Variants in KCTD3 observed in about 807,000 individuals in gnomAD.
The protein encoded by KCTD3 is BTB/POZ domain-containing protein KCTD3.
Under a neutral mutation model 85.8 loss-of-function variants are expected in KCTD3, and 41 were observed. That is an observed-to-expected ratio of 0.48 (90% confidence interval 0.37 to 0.62). The LOEUF (loss-of-function observed/expected upper bound fraction) is 0.62. Ranked by LOEUF, KCTD3 falls within the 20% of genes least tolerant of loss-of-function variation. KCTD3 has a pLI of 0.00. For synonymous variants in KCTD3, 338 were observed against 345.4 expected, an observed-to-expected ratio of 0.98 and a Z score of 0.24; for missense variants, 724 against 989.9, an observed-to-expected ratio of 0.73 and a Z score of 3.60.
intron 9 of KCTD3, among the ~76,000 whole-genome samples, chr1:215,594,183 G>C (rs927590421): frequency 1.3e-4 from 20 of 152,064 alleles, no homozygotes; most frequent in African/African-American, 4.1e-4. Flanking sequence ...TTAAGCTCAA[G>C]TGATCATTGA....
At position 215,578,073 on chromosome 1, in the gene KCTD3, C is replaced by T. The variant is rs1485584966; in HGVS notation, c.389C>T (p.Pro130Leu). The change falls in exon 6 of 18, where the codon CCC (proline) becomes CTC (leucine). Residue 130 changes from proline to leucine, a missense_variant. This residue lies in a region of KCTD3 where 106 missense variants were observed against 98.2 expected (regional missense o/e 1.08). Transcript: ENST00000259154. ...AGTGTCCTTTTTCATGGTTACTTGC[C>T]CCCACCAGGTATTTTCACTTTATTA... The part of the protein sequence containing the change: ...CGSVLFHGYL[P>L]PPGIPSRKIN... The T allele has an allele frequency of 4.3e-6, 7 of 1,609,484 alleles. No homozygotes were observed. Among genetic ancestry groups the T allele is most frequent in the Non-Finnish European group, 5.9e-6 (7 of 1,177,360 alleles).
chr1:215,594,275 C>T (rs1362844491), intron 9 of KCTD3, among the ~76,000 whole-genome samples: 1 of 152,168 alleles, frequency 6.6e-6, no homozygotes, highest in African/African-American at 2.4e-5. Flanking sequence ...AGCCAGGATC[C>T]CAACCCTGGT....
In KCTD3 at chr1:215,567,488, T is replaced by G; in HGVS notation, c.-198T>G. 3.7e-6 allele frequency: 1 copy of G among 270,360 alleles called. No homozygotes were observed. The allele number at this position is 270,360 out of a possible 1,614,324, so 16.7% of individuals were successfully genotyped here. ...CGGGCCGCCCTTGTGCACCGCAGGA[T>G]TGACCCGGGAAGGGGCAGAAGCTAG... On this transcript the variant is annotated 5_prime_UTR_variant, in exon 1 of 18. Coordinates refer to ENST00000259154, the MANE Select transcript of KCTD3 (RefSeq NM_016121.5).
intron 9 of KCTD3, among the ~76,000 whole-genome samples, chr1:215,587,729 T>C (rs942433113): frequency 2.0e-5 from 3 of 152,226 alleles, no homozygotes; most frequent in Non-Finnish European, 4.4e-5. Context: ...TTTCAGTCTT[T>C]TCAGAAAATT....
intron 1 of KCTD3, among the ~76,000 whole-genome samples, chr1:215,569,725 T>C: frequency 6.6e-6 from 1 of 151,926 alleles, no homozygotes; most frequent in East Asian, 1.9e-4. Flanking sequence ...CCTGGCACTG[T>C]GACATTTTAT....
rs373990191 is a variant in KCTD3 at position 215,581,237 on chromosome 1, C to T, written c.626+1238C>T. On this transcript the variant is annotated intron_variant, in intron 8 of 17. Coordinates refer to ENST00000259154, the MANE Select transcript of KCTD3 (RefSeq NM_016121.5). Reference sequence around the variant, plus strand: ...CTCCAACCTGCGCAACAGAGCAAGACTCTGTCTCAATAAATAAATAAACAA... The same window carrying T: ...CTCCAACCTGCGCAACAGAGCAAGATTCTGTCTCAATAAATAAATAAACAA... 13 of 153,142 alleles carry T rather than the reference C, an allele frequency of 8.5e-5. No individual in the cohort carries two copies. In the South Asian group the frequency reaches 2.6e-3, roughly 31 times the overall value. 9.5% of individuals were successfully genotyped at this position (153,142 alleles called of 1,614,324 possible). A position where few individuals can be genotyped will look rare whatever the true frequency, so the allele number is the denominator to read the frequency against.
Position 215,620,616 on chromosome 1 carries a change from T to G in KCTD3, c.2446T>G (p.Ter816GlyextTer14). 1 of 1,562,656 alleles carries G rather than the reference T, an allele frequency of 6.4e-7. No individual in the cohort carries two copies. Among genetic ancestry groups the G allele is most frequent in the Non-Finnish European group, 8.6e-7 (1 of 1,156,198 alleles). ...TTCTTCAGGTCAGGAGTACAGCTTG[T>G]GAAAACTCACCAAAATGAATAGTTG... ...SDSSGQEYSL[*>G] Residue 816 changes from the stop codon to glycine, a stop_lost, in exon 18 of 18, where the codon TGA becomes GGA. Coordinates refer to ENST00000259154, the MANE Select transcript of KCTD3 (RefSeq NM_016121.5).
intron 1 of KCTD3, 137 bp from the exon 2 acceptor site, chr1:215,573,649 C>T: frequency 3.9e-6 from 2 of 507,070 alleles, no homozygotes; most frequent in Non-Finnish European, 7.1e-6. Context: ...AAAATATTAA[C>T]TGTAATAAAT....
At chr1:215,570,852 G>C (rs1384387609) in intron 1 of KCTD3, among the ~76,000 whole-genome samples, 1 of 152,014 alleles carries the variant, frequency 6.6e-6, no homozygotes, top group African/African-American at 2.4e-5. Flanking sequence ...TATGGGTATG[G>C]GATAAAAAAC....
intron 15 of KCTD3, among the ~76,000 whole-genome samples, chr1:215,617,127 G>C (rs2102608244): frequency 6.6e-6 from 1 of 152,358 alleles, no homozygotes; most frequent in Non-Finnish European, 1.5e-5. Context: ...AGGGTGGCGT[G>C]CCCAGGGAGG....
chr1:215,595,109 A>G (rs1205932189), intron 9 of KCTD3, among the ~76,000 whole-genome samples: 1 of 152,206 alleles, frequency 6.6e-6, no homozygotes, highest in African/African-American at 2.4e-5. Context: ...GTTAGGAACC[A>G]AGCTTCAGGA....
intron 8 of KCTD3, among the ~76,000 whole-genome samples, chr1:215,585,438 A>T (rs1454408735): frequency 3.3e-5 from 5 of 152,156 alleles, no homozygotes; most frequent in Admixed American, 3.3e-4. Context: ...AGGGAAAATG[A>T]AGTTGATGTA....
chr1:215,570,837 G>A (rs891453905), intron 1 of KCTD3, among the ~76,000 whole-genome samples: 3 of 152,146 alleles, frequency 2.0e-5, no homozygotes, highest in African/African-American at 7.2e-5. Context: ...CTGTTCTTGG[G>A]ACACTATGGG....
intron 9 of KCTD3, among the ~76,000 whole-genome samples, chr1:215,593,556 A>T (rs1660300562): frequency 6.6e-6 from 1 of 152,220 alleles, no homozygotes; most frequent in East Asian, 1.9e-4. Flanking sequence ...AGAAATCAGT[A>T]ATCTTTCTGG....
At chr1:215,601,712 C>T (rs762411741) in intron 10 of KCTD3, among the ~76,000 whole-genome samples, 155 bp from the exon 11 acceptor site, 4 of 152,156 alleles carry the variant, frequency 2.6e-5, no homozygotes, top group Non-Finnish European at 4.4e-5. Context: ...TATGTGTGTG[C>T]ACGCGTGCAC....
intron 3 of KCTD3, 118 bp from the exon 4 acceptor site, chr1:215,575,783 G>A: frequency 1.7e-6 from 1 of 586,496 alleles, no homozygotes; most frequent in East Asian, 3.3e-5. Flanking sequence ...GTTTAAGAGT[G>A]GAAACAAGGA....
At chr1:215,594,758 T>G (rs1313614686) in intron 9 of KCTD3, among the ~76,000 whole-genome samples, 1 of 152,216 alleles carries the variant, frequency 6.6e-6, no homozygotes, top group Non-Finnish European at 1.5e-5. Flanking sequence ...AAATGGAGAT[T>G]GCAGTGCTGG....
chr1:215,574,661 A>G (rs906476597), intron 3 of KCTD3, among the ~76,000 whole-genome samples: 14 of 152,194 alleles, frequency 9.2e-5, no homozygotes, highest in African/African-American at 3.1e-4. Context: ...ATAAGGCAAC[A>G]AATGCAGATA....
chr1:215,590,223 G>A (rs764523659), intron 9 of KCTD3, among the ~76,000 whole-genome samples: 19 of 152,048 alleles, frequency 1.2e-4, no homozygotes, highest in South Asian at 2.1e-4. Flanking sequence ...CTTAATGACC[G>A]TTTGTATATT....
Sources: gnomAD v4.1 joint callset for allele counts (sites outside exome capture counted in the v4.1 genomes callset) on GRCh38, gnomAD v4.1.1 for gene constraint, gnomAD v4.1.1 regional missense constraint, MANE v1.5 for transcripts, NCBI Gene and HGNC (gene_info 2026-07-23, HGNC 2026-07-21) for gene names.